The following MTSS1 variants were observed in gnomAD, a reference collection of about 807,000 sequenced individuals.
MTSS1 encodes protein MTSS 1.
A neutral mutation model predicts 79.0 loss-of-function variants in MTSS1; 18 were observed. That is an observed-to-expected ratio of 0.23 (90% confidence interval 0.16 to 0.34). The LOEUF (loss-of-function observed/expected upper bound fraction) is 0.34, where lower values mean the gene tolerates loss of function less well. MTSS1 is among the 10% of genes least tolerant of loss of function. The pLI, the probability that MTSS1 is intolerant of heterozygous loss-of-function variation, is 1.00. For missense variants in MTSS1, 815 were observed against 986.2 expected (o/e 0.83, Z 2.33); for synonymous variants, 341 against 368.6 (o/e 0.93, Z 0.86).
At chr8:124,573,115 A>G (rs1828203716) in intron 6 of MTSS1, among the ~76,000 whole-genome samples, 1 of 152,230 alleles carries the variant, frequency 6.6e-6, no homozygotes, top group Non-Finnish European at 1.5e-5. Flanking sequence ...CAAGAAAAGA[A>G]CAATATCCTT....
At chr8:124,555,189 A>C (rs2131727101) in intron 13 of MTSS1, among the ~76,000 whole-genome samples, 1 of 152,206 alleles carries the variant, frequency 6.6e-6, no homozygotes. Context: ...CAAATTGGAG[A>C]CTGCTGTATA....
chr8:124,679,124 G>A (rs1338307455), intron 3 of MTSS1, among the ~76,000 whole-genome samples: 2 of 152,228 alleles, frequency 1.3e-5, no homozygotes, highest in Non-Finnish European at 2.9e-5. Context: ...TCCTAGAGGA[G>A]GCAAGGTTGT....
intron 13 of MTSS1, among the ~76,000 whole-genome samples, chr8:124,554,052 C>T (rs769804338): frequency 5.9e-5 from 9 of 152,218 alleles, no homozygotes; most frequent in Non-Finnish European, 1.0e-4. Context: ...CAGAACTCAA[C>T]GTGAAGATCA....
chr8:124,617,900 A>T (rs139636128), intron 3 of MTSS1, among the ~76,000 whole-genome samples: 1 of 152,210 alleles, frequency 6.6e-6, no homozygotes, highest in Non-Finnish European at 1.5e-5. Flanking sequence ...AATGAGACAC[A>T]AAGGCTATAG....
At chr8:124,625,299 C>T (rs1443820005) in intron 3 of MTSS1, among the ~76,000 whole-genome samples, 2 of 152,098 alleles carry the variant, frequency 1.3e-5, no homozygotes, top group African/African-American at 2.4e-5. Flanking sequence ...TAAGGATCAT[C>T]GAAAATACAT....
chr8:124,585,375 T>C (rs1481300180), intron 5 of MTSS1, among the ~76,000 whole-genome samples: 1 of 152,042 alleles, frequency 6.6e-6, no homozygotes, highest in African/African-American at 2.4e-5. Context: ...TGCCCTGTCA[T>C]ATTCACTCAT....
rs187769316 is a variant in MTSS1, at chr8:124,675,646, T to G, written c.208+23880A>C. 6.0e-3 allele frequency among the ~76,000 whole-genome samples: 917 copies of G among 152,248 alleles called. 14 individuals carry two copies. Among genetic ancestry groups the G allele is most frequent in the African/African-American group, 0.021 (882 of 41,542 alleles). ...ATAAACCCCCATGGCCACTAAGCAG[T>G]CATTCCCCATTCCCTACTCTCACCA... is the stretch of plus-strand genomic sequence containing the variant. On this transcript the variant is annotated intron_variant, in intron 3 of 13. Transcript: ENST00000518547.
chr8:124,599,095 C>T (rs923085398), intron 3 of MTSS1, among the ~76,000 whole-genome samples: 1 of 152,208 alleles, frequency 6.6e-6, no homozygotes, highest in African/African-American at 2.4e-5. Flanking sequence ...TTGCCCTTGC[C>T]GCCTGCTGAT....
At chr8:124,667,934 A>G (rs895018884) in intron 3 of MTSS1, among the ~76,000 whole-genome samples, 27 of 151,982 alleles carry the variant, frequency 1.8e-4, no homozygotes, top group Admixed American at 6.5e-4. Flanking sequence ...TTAGCCAGAC[A>G]TGGTGGTGTG....
intron 3 of MTSS1, among the ~76,000 whole-genome samples, chr8:124,678,032 T>C (rs914296001): frequency 6.6e-6 from 1 of 152,196 alleles, no homozygotes; most frequent in Non-Finnish European, 1.5e-5. Flanking sequence ...AAATATATCT[T>C]TTCCCCCAAA....
chr8:124,567,310 A>G (rs921905797), intron 7 of MTSS1, 132 bp from the exon 8 acceptor site: 22 of 773,544 alleles, frequency 2.8e-5, no homozygotes, highest in Non-Finnish European at 8.3e-6. Flanking sequence ...GGGACTGGCA[A>G]ATCTTTGCTG....
chr8:124,556,708 G>A (rs920766215), intron 11 of MTSS1: 14 of 407,980 alleles, frequency 3.4e-5, no homozygotes, highest in Non-Finnish European at 5.3e-5. Context: ...GTAAGCTAAG[G>A]GGACCCACCA....
intron 7 of MTSS1, chr8:124,567,565 A>T: frequency 7.6e-7 from 1 of 1,320,210 alleles, no homozygotes; most frequent in Admixed American, 3.2e-5. Context: ...CGACTTGGAT[A>T]TATTTTGGTC....
At chr8:124,710,977 A>C (rs1172517683) in intron 1 of MTSS1, among the ~76,000 whole-genome samples, 2 of 152,182 alleles carry the variant, frequency 1.3e-5, no homozygotes, top group Non-Finnish European at 2.9e-5. Context: ...TGTTCTGCCC[A>C]AAAGGTGCCA....
chr8:124,610,513 A>T (rs1300935311), intron 3 of MTSS1, among the ~76,000 whole-genome samples: 1 of 152,216 alleles, frequency 6.6e-6, no homozygotes, highest in Non-Finnish European at 1.5e-5. Context: ...GGGATTTCTT[A>T]AAGCCACTTT....
intron 3 of MTSS1, among the ~76,000 whole-genome samples, chr8:124,626,557 T>C (rs1814708326): frequency 6.6e-6 from 1 of 151,686 alleles, no homozygotes; most frequent in African/African-American, 2.4e-5. Context: ...AATCCAGAAA[T>C]AGCAATCTTA....
intron 1 of MTSS1, among the ~76,000 whole-genome samples, chr8:124,707,752 T>TGA (rs1554729603): frequency 2.0e-5 from 3 of 150,658 alleles, no homozygotes; most frequent in Non-Finnish European, 4.4e-5. Context: ...GGCACATGCC[T>TGA]GTAGTCCTAG....
chr8:124,581,676 G>A (rs547265628), intron 6 of MTSS1, among the ~76,000 whole-genome samples: 4 of 151,826 alleles, frequency 2.6e-5, no homozygotes, highest in Admixed American at 6.6e-5. Context: ...GGATGGTCTC[G>A]ATTTCTTGAC....
intron 3 of MTSS1, among the ~76,000 whole-genome samples, chr8:124,644,945 T>C (rs772791913): frequency 3.9e-5 from 6 of 152,336 alleles, no homozygotes; most frequent in African/African-American, 7.2e-5. Flanking sequence ...CACAGATTCA[T>C]TGAGCCATAA....
Sources: gnomAD v4.1 joint callset for allele counts (sites outside exome capture counted in the v4.1 genomes callset) on GRCh38, gnomAD v4.1.1 for gene constraint, MANE v1.5 for transcripts, NCBI Gene and HGNC (gene_info 2026-07-23, HGNC 2026-07-21) for gene names.